Variants in FHOD3 observed in about 807,000 individuals in gnomAD.
FHOD3 encodes FH1/FH2 domain-containing protein 3.
FHOD3 carries 90 observed loss-of-function variants against 173.0 expected under a neutral mutation model. The observed-to-expected ratio is 0.52, with a 90% CI of 0.44 to 0.62. The LOEUF is 0.62. Ranked by LOEUF, FHOD3 falls within the 20% of genes least tolerant of loss-of-function variation. The pLI, the probability that FHOD3 is intolerant of heterozygous loss-of-function variation, is 0.00. For missense variants in FHOD3, 1,945 were observed against 2,034.7 expected (o/e 0.96, Z 0.85); for synonymous variants, 828 against 823.0 (o/e 1.01, Z -0.10).
chr18:36,660,804 G>A (rs2036743504), intron 14 of FHOD3, among the ~76,000 whole-genome samples: 1 of 152,202 alleles, frequency 6.6e-6, no homozygotes, highest in South Asian at 2.1e-4. Context: ...AAATCCCTCA[G>A]AGAGCCTGGC....
chr18:36,732,777 T>A (rs1461128168), intron 20 of FHOD3, among the ~76,000 whole-genome samples: 1 of 152,100 alleles, frequency 6.6e-6, no homozygotes, highest in East Asian at 1.9e-4. Flanking sequence ...GGGACCCTCC[T>A]AGAGGAACAA....
intron 1 of FHOD3, among the ~76,000 whole-genome samples, chr18:36,320,221 A>G (rs913319186): frequency 3.3e-5 from 5 of 152,356 alleles, no homozygotes; most frequent in Middle Eastern, 3.4e-3. Flanking sequence ...GATCAGCAAA[A>G]TAGACAGACT....
intron 1 of FHOD3, among the ~76,000 whole-genome samples, chr18:36,326,983 G>A (rs1173433722): frequency 6.6e-6 from 1 of 152,140 alleles, no homozygotes; most frequent in African/African-American, 2.4e-5. Context: ...TGCCCTTGCT[G>A]GGACCGGTTA....
chr18:36,697,483 C>T (rs779705367), intron 17 of FHOD3, among the ~76,000 whole-genome samples: 12 of 150,690 alleles, frequency 8.0e-5, no homozygotes, highest in Non-Finnish European at 1.5e-4. Flanking sequence ...CTCCATATTG[C>T]ACACAGAAAT....
intron 13 of FHOD3, among the ~76,000 whole-genome samples, chr18:36,655,162 G>A (rs902281480): frequency 6.6e-6 from 1 of 151,292 alleles, no homozygotes. Flanking sequence ...ACAGTTCCAG[G>A]ATTGTTGTTA....
intron 5 of FHOD3, among the ~76,000 whole-genome samples, chr18:36,518,527 A>G (rs575693982): frequency 2.0e-5 from 3 of 152,274 alleles, no homozygotes; most frequent in Admixed American, 1.3e-4. Context: ...CAACAGGACT[A>G]TTTCCAATAA....
chr18:36,631,084 A>G (rs2034479234), intron 10 of FHOD3, among the ~76,000 whole-genome samples: 1 of 152,166 alleles, frequency 6.6e-6, no homozygotes, highest in African/African-American at 2.4e-5. Context: ...GGCCAGGAGT[A>G]CTGATGCGGC....
At chr18:36,430,329 G>T (rs780015820) in intron 3 of FHOD3, among the ~76,000 whole-genome samples, 1 of 152,106 alleles carries the variant, frequency 6.6e-6, no homozygotes, top group African/African-American at 2.4e-5. Context: ...CGATTCTCCC[G>T]CCTCAGCCTC....
chr18:36,580,169 T>TC (rs530178082), intron 6 of FHOD3, among the ~76,000 whole-genome samples: 1 of 152,180 alleles, frequency 6.6e-6, no homozygotes, highest in Admixed American at 6.5e-5. Flanking sequence ...TTTCCCAGCC[T>TC]CCCCATCCTA....
At chr18:36,337,762 T>C (rs1246041599) in intron 1 of FHOD3, among the ~76,000 whole-genome samples, 1 of 152,202 alleles carries the variant, frequency 6.6e-6, no homozygotes, top group Non-Finnish European at 1.5e-5. Flanking sequence ...CAGTCTTTAA[T>C]TATAGCTCAC....
chr18:36,458,044 AGAGAG>A (rs2052323020), intron 3 of FHOD3, among the ~76,000 whole-genome samples: 1 of 152,166 alleles, frequency 6.6e-6, no homozygotes, highest in Admixed American at 6.6e-5. Context: ...AGAGGGAAGC[AGAGAG>A]GAGAGGAGTA....
chr18:36,674,436 G>A (rs2037722075), intron 14 of FHOD3, among the ~76,000 whole-genome samples: 2 of 152,194 alleles, frequency 1.3e-5, no homozygotes, highest in African/African-American at 4.8e-5. Context: ...CTGGAATGCA[G>A]TGGCGTGATC....
chr18:36,742,245 A>G lies in FHOD3; in HGVS notation c.3760-492A>G, dbSNP rs138429494. ...GGTGATCATGAAAGCAGTGGGGTAG[A>G]GGGCAGTAGCCTTCTAGTGAGCAGC... On this transcript the variant is annotated intron_variant, in intron 21 of 28. Transcript: ENST00000590592. 1.8e-3 allele frequency among the ~76,000 whole-genome samples: 276 copies of G among 152,226 alleles called. 3 individuals are homozygous for G. In the Middle Eastern group the frequency reaches 0.027, roughly 15 times the overall value.
intron 3 of FHOD3, among the ~76,000 whole-genome samples, chr18:36,390,807 A>C (rs180949242): frequency 2.6e-4 from 40 of 152,226 alleles, no homozygotes; most frequent in Non-Finnish European, 5.4e-4. Flanking sequence ...ACTCCCTTGA[A>C]GGGGAAGTAG....
chr18:36,597,615 A>G (rs2030668992), intron 7 of FHOD3, among the ~76,000 whole-genome samples: 1 of 151,998 alleles, frequency 6.6e-6, no homozygotes, highest in Non-Finnish European at 1.5e-5. Flanking sequence ...TTTAGTAGAG[A>G]TGGGCTTTCA....
At chr18:36,707,558 G>A (rs1271251452) in intron 17 of FHOD3, among the ~76,000 whole-genome samples, 2 of 152,208 alleles carry the variant, frequency 1.3e-5, no homozygotes, top group East Asian at 3.9e-4. Flanking sequence ...CAGCCTGAGA[G>A]CAGATGAAGG....
intron 5 of FHOD3, among the ~76,000 whole-genome samples, chr18:36,567,489 A>G (rs2058306072): frequency 6.6e-6 from 1 of 152,216 alleles, no homozygotes; most frequent in Non-Finnish European, 1.5e-5. Flanking sequence ...GTAAGTACAC[A>G]GGACCCTGTC....
At chr18:36,298,481 G>C (rs2091866433) in intron 1 of FHOD3, among the ~76,000 whole-genome samples, 1 of 152,204 alleles carries the variant, frequency 6.6e-6, no homozygotes, top group African/African-American at 2.4e-5. Context: ...CGCTGCGGGC[G>C]GCCACGCGAC....
intron 5 of FHOD3, among the ~76,000 whole-genome samples, chr18:36,521,898 G>A (rs1049182218): frequency 1.1e-4 from 17 of 152,172 alleles, no homozygotes; most frequent in Non-Finnish European, 1.8e-4. Flanking sequence ...GTTCTGTCCT[G>A]CAGACCTTGG....
Sources: allele counts gnomAD v4.1 joint callset (sites outside exome capture counted in the v4.1 genomes callset), GRCh38; gene constraint gnomAD v4.1.1; transcripts MANE v1.5; gene names NCBI Gene and HGNC (gene_info 2026-07-23, HGNC 2026-07-21).